The following PTPRA variants were observed in gnomAD, a reference collection of about 807,000 sequenced individuals.
PTPRA encodes the protein receptor-type tyrosine-protein phosphatase alpha.
In PTPRA, 25 loss-of-function variants were observed where a neutral mutation model predicts 104.8. That is an observed-to-expected ratio of 0.24 (90% confidence interval 0.17 to 0.33). The LOEUF (loss-of-function observed/expected upper bound fraction) is 0.33. PTPRA is among the 10% of genes least tolerant of loss of function. The pLI, the probability that PTPRA is intolerant of heterozygous loss-of-function variation, is 1.00. For missense variants in PTPRA, 765 were observed against 1,015.3 expected, an observed-to-expected ratio of 0.75 and a Z score of 3.35; for synonymous variants, 323 against 368.9, an observed-to-expected ratio of 0.88 and a Z score of 1.43.
chr20:2,985,935 G>C (rs1230371739), intron 6 of PTPRA, among the ~76,000 whole-genome samples: 3 of 150,250 alleles, frequency 2.0e-5, no homozygotes, highest in Non-Finnish European at 4.4e-5. Context: ...TTTGAGACAG[G>C]GTCTTGCTCT....
Position 3,037,927 on chromosome 20 carries a change from T to C in PTPRA, c.2335-132T>C, listed in dbSNP as rs552730985. The C allele has an allele frequency of 1.3e-5, 10 of 744,048 alleles. No individual in the cohort carries two copies. The highest frequency in any genetic ancestry group is 2.3e-5 in the Non-Finnish European group (10 of 436,978). The allele number at this position is 744,048 out of a possible 1,614,324, so 46.1% of individuals were successfully genotyped here. ...AGAACTCTGGCAGGCAGATCAGAGC[T>C]CAGGTGAAAGTTCAAAAACATTCAG... On this transcript the variant is annotated intron_variant, in intron 23 of 23. Coordinates refer to ENST00000399903, the MANE Select transcript of PTPRA (RefSeq NM_001385305.1). The surrounding 1 kb of genome is among the most constrained non-coding windows in gnomAD (Gnocchi z 4.3).
intron 14 of PTPRA, among the ~76,000 whole-genome samples, chr20:3,021,631 G>A (rs1464841184): frequency 6.6e-6 from 1 of 152,240 alleles, no homozygotes; most frequent in Admixed American, 6.5e-5. Context: ...ATTACCTGTT[G>A]AGATGAAGTC....
rs117650941 is a variant in PTPRA at position 2,920,893 on chromosome 20, C to T, written c.-128-2314C>T. Reference sequence around the variant, plus strand: ...TTTATGTGCTGAGGGAGTGAGTACTCAGAAAGAAAGCCTGGAATGGCAGTA... The same window carrying T: ...TTTATGTGCTGAGGGAGTGAGTACTTAGAAAGAAAGCCTGGAATGGCAGTA... On this transcript the variant is annotated intron_variant, in intron 1 of 23. Transcript: ENST00000399903. Among the ~76,000 whole-genome samples the T allele has an allele frequency of 6.1e-4, 92 of 152,024 alleles. 1 individual carries two copies. In the East Asian group the frequency reaches 0.014, roughly 24 times the overall value.
At chr20:2,974,724 ACTTTGTCAATTT>A (rs1205297841) in intron 5 of PTPRA, among the ~76,000 whole-genome samples, 2 of 152,048 alleles carry the variant, frequency 1.3e-5, no homozygotes, top group African/African-American at 4.8e-5. Flanking sequence ...ATGTTTTCTT[ACTTTGTCAATTT>A]CTAATTTTAT....
chr20:2,918,903 C>T (rs2060004275), intron 1 of PTPRA, among the ~76,000 whole-genome samples: 3 of 152,118 alleles, frequency 2.0e-5, no homozygotes, highest in African/African-American at 7.2e-5. Flanking sequence ...CTACTCTGTA[C>T]CATAGTTTCT....
chr20:2,987,461 CCTGA>C (rs2062955775), intron 7 of PTPRA, among the ~76,000 whole-genome samples: 1 of 152,012 alleles, frequency 6.6e-6, no homozygotes, highest in African/African-American at 2.4e-5. Context: ...AAGCTACTGC[CCTGA>C]CTAATTGGAT....
chr20:2,907,942 T>C (rs952408118), intron 1 of PTPRA, among the ~76,000 whole-genome samples: 27 of 152,174 alleles, frequency 1.8e-4, no homozygotes, highest in Non-Finnish European at 3.1e-4. Flanking sequence ...AAAATAATTT[T>C]TTTGTTACCT....
In PTPRA at chr20:3,022,962, C is replaced by T; in HGVS notation, c.1464+138C>T. ...GATTGTGGGGGAAAGAAAGATAGAT[C>T]ACACTGTTACCGTGTCTATGTAGAA... On this transcript the variant is annotated intron_variant, in intron 16 of 23. Coordinates refer to ENST00000399903, the MANE Select transcript of PTPRA (RefSeq NM_001385305.1). This position sits in a 1 kb window ranked among gnomAD's most constrained non-coding sequence, Gnocchi z 4.6. 3 of 1,372,414 alleles carry T rather than the reference C, an allele frequency of 2.2e-6. No homozygotes were observed. The highest frequency in any genetic ancestry group is 3.0e-6 in the Non-Finnish European group (3 of 1,012,822). The allele number at this position is 1,372,414 out of a possible 1,614,324, so 85.0% of individuals were successfully genotyped here. A position where few individuals can be genotyped will look rare whatever the true frequency, so the allele number is the denominator to read the frequency against.
At chr20:2,875,797 G>A (rs185976870) in intron 1 of PTPRA, among the ~76,000 whole-genome samples, 35 of 152,290 alleles carry the variant, frequency 2.3e-4, no homozygotes, top group East Asian at 1.7e-3. Context: ...AATTTTGGCC[G>A]TGTATTTGCA....
chr20:2,884,758 A>G (rs2090274038), intron 1 of PTPRA, among the ~76,000 whole-genome samples: 1 of 150,436 alleles, frequency 6.6e-6, no homozygotes. Flanking sequence ...GGGTAGATCT[A>G]GGAGTGGAAC....
chr20:2,956,293 G>A (rs2061533129), intron 3 of PTPRA, among the ~76,000 whole-genome samples: 1 of 152,184 alleles, frequency 6.6e-6, no homozygotes, highest in Non-Finnish European at 1.5e-5. Flanking sequence ...TAGTTCTTCA[G>A]TGTGTTCAGT....
chr20:3,001,222 C>T (rs2063610467), intron 9 of PTPRA, among the ~76,000 whole-genome samples: 2 of 152,174 alleles, frequency 1.3e-5, no homozygotes, highest in Admixed American at 6.5e-5. Flanking sequence ...TGTTTTCATC[C>T]GTGACGCAGG....
chr20:2,971,571 C>T (rs1855113113), intron 5 of PTPRA, among the ~76,000 whole-genome samples: 1 of 152,152 alleles, frequency 6.6e-6, no homozygotes, highest in South Asian at 2.1e-4. Context: ...TGAATACCTC[C>T]AGAACAAAGT....
intron 11 of PTPRA, among the ~76,000 whole-genome samples, chr20:3,010,165 C>T (rs1461345980): frequency 6.6e-6 from 1 of 150,814 alleles, no homozygotes; most frequent in East Asian, 2.0e-4. Flanking sequence ...ATTTATTTGT[C>T]TCATATACTG....
chr20:2,890,121 T>A (rs2058740324), intron 1 of PTPRA, among the ~76,000 whole-genome samples: 1 of 151,554 alleles, frequency 6.6e-6, no homozygotes, highest in Non-Finnish European at 1.5e-5. Context: ...GATCTCAAAT[T>A]CCTGGCCTCA....
intron 3 of PTPRA, among the ~76,000 whole-genome samples, chr20:2,962,388 G>A (rs1425238476): frequency 6.6e-6 from 1 of 152,114 alleles, no homozygotes; most frequent in Non-Finnish European, 1.5e-5. Flanking sequence ...GTGTTTTCAA[G>A]CATTTAATTT....
At chr20:2,947,096 T>C (rs932611426) in intron 2 of PTPRA, among the ~76,000 whole-genome samples, 1 of 152,162 alleles carries the variant, frequency 6.6e-6, no homozygotes, top group Non-Finnish European at 1.5e-5. Flanking sequence ...AAATAAGTGG[T>C]TCTCTGCTTT....
chr20:2,973,079 A>G (rs936398747), intron 5 of PTPRA, among the ~76,000 whole-genome samples: 1 of 151,662 alleles, frequency 6.6e-6, no homozygotes, highest in Non-Finnish European at 1.5e-5. Context: ...GTGATTATTT[A>G]TTATAATAGC....
Position 3,022,715 on chromosome 20 carries a change from T to C in PTPRA, c.1355T>C (p.Phe452Ser). 1 of 1,614,146 alleles carries C rather than the reference T, an allele frequency of 6.2e-7. No individual in the cohort carries two copies. The highest frequency in any genetic ancestry group is 8.5e-7 in the Non-Finnish European group (1 of 1,180,006). Residue 452 changes from phenylalanine (F) to serine (S), a missense_variant, in exon 16 of 24, where the codon TTT (phenylalanine) becomes TCT (serine). Phe to Ser is a radical substitution (Grantham distance 155). This residue lies in a region of PTPRA where 245 missense variants were observed against 398.7 expected (regional missense o/e 0.61). Coordinates refer to ENST00000399903, the MANE Select transcript of PTPRA (RefSeq NM_001385305.1). The surrounding 1 kb of genome is among the most constrained non-coding windows in gnomAD (Gnocchi z 4.6). ...CSAGVGRTGT[F>S]VVIDAMLDMM... Reference sequence around the variant, plus strand: ...GCAGGTGTAGGGCGTACAGGTACCTTTGTCGTCATTGATGCCATGCTGGAC... The same window carrying C: ...GCAGGTGTAGGGCGTACAGGTACCTCTGTCGTCATTGATGCCATGCTGGAC...
Sources: allele counts gnomAD v4.1 joint callset (sites outside exome capture counted in the v4.1 genomes callset), GRCh38; gene constraint gnomAD v4.1.1; regional missense constraint gnomAD v4.1.1; non-coding constraint Gnocchi (gnomAD v3.1); transcripts MANE v1.5; gene names NCBI Gene and HGNC (gene_info 2026-07-23, HGNC 2026-07-21).